Variants in TM2D3 observed in about 807,000 individuals in gnomAD.
The protein encoded by TM2D3 is TM2 domain-containing protein 3.
A neutral mutation model predicts 27.3 loss-of-function variants in TM2D3; 33 were observed. The observed-to-expected ratio is 1.21, with a 90% CI of 0.92 to 1.61. The LOEUF (loss-of-function observed/expected upper bound fraction) is 1.61, where lower values mean the gene tolerates loss of function less well. Ranked by LOEUF, TM2D3 falls within the 40% of genes most tolerant of loss-of-function variation. The probability of loss-of-function intolerance (pLI) is 0.00; values close to 1 mark genes in which losing one functional copy is unlikely to be tolerated. For missense variants in TM2D3, 364 were observed against 320.8 expected (o/e 1.13, Z -1.03); for synonymous variants, 138 against 122.2 (o/e 1.13, Z -0.85).
rs1567314040 is a variant in TM2D3 at position 101,650,064 on chromosome 15, G to A, written c.267C>T (p.Ser89=). 1.2e-6 allele frequency: 2 copies of A among 1,614,178 alleles called. No individual in the cohort carries two copies. The highest frequency in any genetic ancestry group is 4.5e-5 in the East Asian group (2 of 44,892). The change falls in exon 3 of 6, where the codon TCC becomes TCT. Residue 89 remains serine, a synonymous_variant. Transcript: ENST00000333202. ...ADCIDCTTNF[S]CTYGKPVTFD... is the part of the protein sequence containing the mutation. ...AAGTGACAGGCTTCCCATAGGTACA[G>A]GAGAAATTTGTTGTGCAGTCTATAC...
chr15:101,650,791 C>A (rs1322993213), intron 2 of TM2D3: 1 of 152,210 alleles, frequency 6.6e-6, no homozygotes, highest in Non-Finnish European at 1.5e-5. Context: ...TTCCAACCAA[C>A]CTAATGAGTG....
chr15:101,648,307 AAG>A (rs1896871711), intron 3 of TM2D3: 1 of 152,210 alleles, frequency 6.6e-6, no homozygotes, highest in Non-Finnish European at 1.5e-5. Context: ...CTGATGAAGC[AAG>A]TACTATTCAT....
intron 5 of TM2D3, among the ~76,000 whole-genome samples, chr15:101,643,359 C>T (rs143668693): frequency 3.3e-5 from 5 of 151,984 alleles, no homozygotes. Context: ...TCCCAGCACT[C>T]TGGGAGGCTG....
downstream of TM2D3, among the ~76,000 whole-genome samples, chr15:101,640,461 G>A (rs1362704904): frequency 6.6e-6 from 1 of 152,136 alleles, no homozygotes; most frequent in African/African-American, 2.4e-5. Context: ...GTTAAGCCAC[G>A]CCGTTTATGG....
In TM2D3 at chr15:101,641,903, TAAG is replaced by T; in HGVS notation, c.*573_*575del. ...AGTACTCTTACCTTTTATATACTAC[TAAG>T]AAAATTTAAACCATAACTAGACATA... On this transcript the variant is annotated 3_prime_UTR_variant, in exon 6 of 6. Transcript: ENST00000333202. 1.0e-6 allele frequency: 1 copy of T among 978,950 alleles called. No homozygotes were observed. The highest frequency in any genetic ancestry group is 1.2e-6 in the Non-Finnish European group (1 of 823,992). The allele number at this position is 978,950 out of a possible 1,614,324, so 60.6% of individuals were successfully genotyped here. A position where few individuals can be genotyped will look rare whatever the true frequency, so the allele number is the denominator to read the frequency against.
intron 3 of TM2D3, among the ~76,000 whole-genome samples, chr15:101,649,100 T>C (rs1012234857): frequency 6.6e-6 from 1 of 152,188 alleles, no homozygotes; most frequent in Non-Finnish European, 1.5e-5. Flanking sequence ...ATGAGAAAAC[T>C]TATATGTTTT....
At chr15:101,638,529 C>T (rs1236562971), downstream of TM2D3, among the ~76,000 whole-genome samples, 2 of 152,126 alleles carry the variant, frequency 1.3e-5, no homozygotes, top group Non-Finnish European at 2.9e-5. Flanking sequence ...AACTCCTAGC[C>T]TCAGGTGATC....
At chr15:101,646,678 T>C (rs771598913) in intron 4 of TM2D3, 47 bp downstream of exon 4, 2 of 1,611,580 alleles carry the variant, frequency 1.2e-6, no homozygotes. Context: ...TTCAATAAAC[T>C]TGGAGAAAAA....
chr15:101,642,444 C>G lies in TM2D3; in HGVS notation c.*35G>C, dbSNP rs1201705567. 1 of 1,548,158 alleles carries G rather than the reference C, an allele frequency of 6.5e-7. No individual in the cohort carries two copies. Among genetic ancestry groups the G allele is most frequent in the Non-Finnish European group, 8.7e-7 (1 of 1,144,376 alleles). ...ACTCCTACGGACAAAAGGGCTTTTTCTAAGCCCTGCTCCTTTCTGAAGCAC... is the reference window on the plus strand; with the variant it reads ...ACTCCTACGGACAAAAGGGCTTTTTGTAAGCCCTGCTCCTTTCTGAAGCAC... On this transcript the variant is annotated 3_prime_UTR_variant, in exon 6 of 6. Coordinates refer to ENST00000333202, the MANE Select transcript of TM2D3 (RefSeq NM_078474.3).
At chr15:101,633,627 C>T in exon 5 of TM2D3, 1 of 1,460,122 alleles carries the variant, frequency 6.8e-7, no homozygotes, top group Non-Finnish European at 9.2e-7. Context: ...CAGCACTTCT[C>T]ATGCTCTTCT....
In TM2D3 at chr15:101,641,995, CA is replaced by C; in HGVS notation, c.*483del. 1.0e-6 allele frequency: 1 copy of C among 985,826 alleles called. No individual in the cohort carries two copies. The highest frequency in any genetic ancestry group is 1.2e-6 in the Non-Finnish European group (1 of 830,106). 61.1% of individuals were successfully genotyped at this position (985,826 alleles called of 1,614,324 possible). ...ACCAGACTACATATGTATTACACTG[CA>C]AAACTTACACATGACTGAAGCTGAG... On this transcript the variant is annotated 3_prime_UTR_variant, in exon 6 of 6. Transcript: ENST00000333202.
intron 5 of TM2D3, 145 bp downstream of exon 5, chr15:101,644,942 A>C (rs1035946835): frequency 1.3e-6 from 1 of 750,256 alleles, no homozygotes; most frequent in Non-Finnish European, 2.2e-6. Flanking sequence ...CTGATCATCT[A>C]AACTCTTCCA....
chr15:101,652,322 A>T lies in TM2D3; in HGVS notation c.40T>A (p.Leu14Met), dbSNP rs11538412. 1.9e-6 allele frequency: 3 copies of T among 1,602,116 alleles called. No homozygotes were observed. The highest frequency in any genetic ancestry group is 2.6e-6 in the Non-Finnish European group (3 of 1,175,052). The change falls in exon 1 of 6, where the codon TTG becomes ATG. Residue 14 changes from leucine to methionine, a missense_variant. Coordinates refer to ENST00000333202, the MANE Select transcript of TM2D3 (RefSeq NM_078474.3). ...GAGAGGAAGAGCAGCACGCGACACAAGGCGCGGAGGCCCCTCAGCGGGAGC... is the reference window on the plus strand; with the variant it reads ...GAGAGGAAGAGCAGCACGCGACACATGGCGCGGAGGCCCCTCAGCGGGAGC... ...GVLPLRGLRA[L>M]CRVLLFLSQF...
intron 5 of TM2D3, among the ~76,000 whole-genome samples, chr15:101,644,442 G>A (rs1896752010): frequency 6.6e-6 from 1 of 152,160 alleles, no homozygotes; most frequent in South Asian, 2.1e-4. Flanking sequence ...AGCCCAGAAC[G>A]TCAGCAGTGA....
chr15:101,649,907 T>C lies in TM2D3; in HGVS notation c.327+97A>G, dbSNP rs375258694. ...GGGAAATCATAAAAGAATATAAAAA[T>C]TCTTCAGAATTTCTTCCCAATAATC... On this transcript the variant is annotated intron_variant, in intron 3 of 5. Transcript: ENST00000333202. The C allele has an allele frequency of 1.7e-4, 205 of 1,186,762 alleles. 2 individuals carry two copies. The South Asian group carries it at 2.6e-3, about 15-fold the overall frequency. The allele number at this position is 1,186,762 out of a possible 1,614,324, so 73.5% of individuals were successfully genotyped here. A position where few individuals can be genotyped will look rare whatever the true frequency, so the allele number is the denominator to read the frequency against.
downstream of TM2D3, among the ~76,000 whole-genome samples, chr15:101,639,242 G>A (rs193252387): frequency 3.9e-5 from 6 of 152,170 alleles, no homozygotes; most frequent in East Asian, 1.9e-4. Context: ...AAACGCATAC[G>A]ATGTATATAC....
At chr15:101,646,490 T>C (rs1419007867) in intron 4 of TM2D3, 1 of 434,740 alleles carries the variant, frequency 2.3e-6, no homozygotes, top group African/African-American at 2.5e-5. Context: ...TGTATTATGC[T>C]TTATACTTCA....
intron 1 of TM2D3, 199 bp downstream of exon 1, chr15:101,652,072 G>A (rs1240121411): frequency 7.1e-6 from 4 of 563,556 alleles, no homozygotes; most frequent in Admixed American, 4.0e-5. Context: ...TGGCGGGCTC[G>A]GTGTCGCCGG....
At chr15:101,647,341 G>A (rs1471039831) in intron 3 of TM2D3, among the ~76,000 whole-genome samples, 1 of 152,184 alleles carries the variant, frequency 6.6e-6, no homozygotes, top group African/African-American at 2.4e-5. Context: ...GTGAGGAGTG[G>A]AATCCAGGTC....
Sources: allele counts gnomAD v4.1 joint callset (sites outside exome capture counted in the v4.1 genomes callset), GRCh38; gene constraint gnomAD v4.1.1; transcripts MANE v1.5; gene names NCBI Gene and HGNC (gene_info 2026-07-23, HGNC 2026-07-21).